The following FAT3 variants were observed in gnomAD, a reference collection of about 807,000 sequenced individuals.
FAT3 encodes FAT atypical cadherin 3, also known as protocadherin Fat 3.
FAT3 carries 95 observed loss-of-function variants against 310.2 expected under a neutral mutation model. The observed-to-expected ratio is 0.31, with a 90% CI of 0.26 to 0.36. FAT3 has a LOEUF of 0.36. Ranked by LOEUF, FAT3 falls within the 10% of genes least tolerant of loss-of-function variation. The pLI, the probability that FAT3 is intolerant of heterozygous loss-of-function variation, is 1.00. For missense variants in FAT3, 5,408 were observed against 5,715.6 expected (o/e 0.95, Z 1.74); for synonymous variants, 2,314 against 2,192.9 (o/e 1.06, Z -1.54).
chr11:92,780,964 A>G (rs777338619), intron 7 of FAT3, among the ~76,000 whole-genome samples: 9 of 152,202 alleles, frequency 5.9e-5, no homozygotes, highest in African/African-American at 1.2e-4. Flanking sequence ...TGAAACTAGA[A>G]CATGGCTCTT....
chr11:92,524,552 G>T (rs914765767), intron 2 of FAT3, 82 bp from the exon 3 acceptor site: 1 of 1,348,778 alleles, frequency 7.4e-7, no homozygotes, highest in Non-Finnish European at 1.0e-6. Context: ...AGATTATTTA[G>T]TGTAGTCCTT....
rs755631986 is a variant in FAT3 at position 92,668,875 on chromosome 11, G to A, written c.3608-28509G>A. ...AGCATTGGTGTAAACTTTCAGGATC[G>A]GTTGTATCGAGCAGCATTTAAGTTC... On this transcript the variant is annotated intron_variant, in intron 3 of 27. Transcript: ENST00000525166. Among the ~76,000 whole-genome samples the A allele has an allele frequency of 3.9e-5, 6 of 152,118 alleles. No homozygotes were observed. The South Asian group carries it at 1.0e-3, about 26-fold the overall frequency.
At chr11:92,756,533 A>G (rs779513866) in intron 4 of FAT3, among the ~76,000 whole-genome samples, 1 of 152,226 alleles carries the variant, frequency 6.6e-6, no homozygotes, top group Non-Finnish European at 1.5e-5. Context: ...ATTAATGGAT[A>G]AGGAAAATGC....
intron 4 of FAT3, among the ~76,000 whole-genome samples, chr11:92,723,671 C>T (rs1001559142): frequency 2.0e-5 from 3 of 152,176 alleles, no homozygotes; most frequent in African/African-American, 4.8e-5. Context: ...TACAGTTTCA[C>T]GTGGCTGGGG....
intron 2 of FAT3, among the ~76,000 whole-genome samples, chr11:92,360,235 C>A (rs1265583871): frequency 6.6e-6 from 1 of 152,238 alleles, no homozygotes; most frequent in Non-Finnish European, 1.5e-5. Flanking sequence ...AGAGCCAAAT[C>A]ATGAGTGAAC....
chr11:92,700,543 G>A (rs1309122396), intron 4 of FAT3, among the ~76,000 whole-genome samples: 1 of 152,060 alleles, frequency 6.6e-6, no homozygotes, highest in Non-Finnish European at 1.5e-5. Context: ...GAGGGTAAGG[G>A]CAGTGGATCA....
chr11:92,432,124 C>G (rs1430475441), intron 2 of FAT3, among the ~76,000 whole-genome samples: 1 of 152,142 alleles, frequency 6.6e-6, no homozygotes, highest in Admixed American at 6.5e-5. Context: ...TTCTTCCTAC[C>G]CATGAGCATG....
In FAT3 at chr11:92,866,782, C is replaced by T. The variant is rs2136347316; in HGVS notation, c.11700C>T (p.Ser3900=). 1.9e-6 allele frequency: 3 copies of T among 1,613,606 alleles called. No homozygotes were observed. Among genetic ancestry groups the T allele is most frequent in the Non-Finnish European group, 2.5e-6 (3 of 1,179,804 alleles). The change falls in exon 22 of 28, where the codon AGC becomes AGT. Residue 3900 remains serine (S), a synonymous_variant. Transcript: ENST00000525166. ...TGTGGTTCCAGCTGGACTGCGGCAG[C>T]GGCCCTGGAATCTTGGGCATCTCGG... ...GKLWFQLDCG[S]GPGILGISGR... is the part of the protein sequence containing the mutation.
At chr11:92,317,807 G>A (rs1947502538) in intron 1 of FAT3, among the ~76,000 whole-genome samples, 1 of 152,152 alleles carries the variant, frequency 6.6e-6, no homozygotes, top group African/African-American at 2.4e-5. Flanking sequence ...TGCTGGTCTT[G>A]AGCAGTTTTC....
intron 3 of FAT3, among the ~76,000 whole-genome samples, chr11:92,628,624 A>T (rs900910939): frequency 5.3e-5 from 8 of 152,206 alleles, no homozygotes; most frequent in African/African-American, 1.9e-4. Context: ...TTGTGTACCT[A>T]TGTCTATTAT....
At chr11:92,793,799 T>C (rs1947096061) in intron 9 of FAT3, among the ~76,000 whole-genome samples, 1 of 152,204 alleles carries the variant, frequency 6.6e-6, no homozygotes, top group Non-Finnish European at 1.5e-5. Flanking sequence ...GCAATATCCT[T>C]TCATGCCAGG....
At chr11:92,587,685 C>T (rs1440034115) in intron 3 of FAT3, among the ~76,000 whole-genome samples, 1 of 151,940 alleles carries the variant, frequency 6.6e-6, no homozygotes, top group Non-Finnish European at 1.5e-5. Context: ...CATAGAATTT[C>T]TCATCCTCAG....
intron 3 of FAT3, among the ~76,000 whole-genome samples, chr11:92,601,046 G>A (rs1340897813): frequency 6.6e-6 from 1 of 152,086 alleles, no homozygotes; most frequent in Admixed American, 6.5e-5. Context: ...TGTCATCAGA[G>A]AAGGAGGAAG....
At chr11:92,584,227 T>G (rs1239651975) in intron 3 of FAT3, among the ~76,000 whole-genome samples, 1 of 152,052 alleles carries the variant, frequency 6.6e-6, no homozygotes, top group Non-Finnish European at 1.5e-5. Context: ...TCCCATCAGC[T>G]GTTCGTACAT....
intron 22 of FAT3, among the ~76,000 whole-genome samples, chr11:92,878,668 G>C (rs4463816): frequency 2.8e-5 from 2 of 72,662 alleles, no homozygotes; most frequent in African/African-American, 7.0e-5. Context: ...AAAAAAAAAA[G>C]CTCCGCACAA....
chr11:92,698,644 A>T (rs1226623542), intron 4 of FAT3, among the ~76,000 whole-genome samples: 1 of 152,156 alleles, frequency 6.6e-6, no homozygotes, highest in Non-Finnish European at 1.5e-5. Flanking sequence ...CTTTTAAAAC[A>T]TTACTATCAT....
chr11:92,739,980 G>A (rs891452055), intron 4 of FAT3, among the ~76,000 whole-genome samples: 3 of 152,120 alleles, frequency 2.0e-5, no homozygotes, highest in African/African-American at 7.2e-5. Context: ...AACGTTCTGG[G>A]AGAAAGTACA....
chr11:92,806,642 T>G, intron 12 of FAT3, 127 bp downstream of exon 12: 10 of 739,664 alleles, frequency 1.4e-5, no homozygotes, highest in Non-Finnish European at 2.1e-5. Context: ...AGGGAAATTT[T>G]CCCTTCCATC....
At chr11:92,504,389 T>A (rs1206784654) in intron 2 of FAT3, among the ~76,000 whole-genome samples, 1 of 152,134 alleles carries the variant, frequency 6.6e-6, no homozygotes, top group Non-Finnish European at 1.5e-5. Flanking sequence ...AGCACTCAAC[T>A]TTGATAGCAG....
Sources: gnomAD v4.1 joint callset for allele counts (sites outside exome capture counted in the v4.1 genomes callset) on GRCh38, gnomAD v4.1.1 for gene constraint, MANE v1.5 for transcripts, NCBI Gene and HGNC (gene_info 2026-07-23, HGNC 2026-07-21) for gene names.